The following SPG21 variants were observed in gnomAD, a reference collection of about 807,000 sequenced individuals.
The protein encoded by SPG21 is maspardin.
A neutral mutation model predicts 38.9 loss-of-function variants in SPG21; 26 were observed. The ratio of observed to expected loss-of-function variants is 0.67; its 90% CI spans 0.49 to 0.93. The LOEUF (loss-of-function observed/expected upper bound fraction) is 0.93. Among genes scored for constraint, SPG21 ranks in the 40% least tolerant of loss-of-function variants. The pLI, the probability that SPG21 is intolerant of heterozygous loss-of-function variation, is 0.00. For missense variants in SPG21, 333 were observed against 376.5 expected (o/e 0.88, Z 0.96); for synonymous variants, 136 against 128.9 (o/e 1.05, Z -0.37).
rs988152937 is a variant in SPG21, at chr15:64,981,140, T to C, written c.64-115A>G. On this transcript the variant is annotated intron_variant, in intron 2 of 8. Transcript: ENST00000204566. ...TACTACTGCCTTGTTTGTTACAAGG[T>C]AACCTGGAGCTCACACCAGATTAGC... 7 of 1,278,808 alleles carry C rather than the reference T, an allele frequency of 5.5e-6. No individual in the cohort carries two copies. The African/African-American group carries it at 7.4e-5, about 14-fold the overall frequency. 79.2% of individuals were successfully genotyped at this position (1,278,808 alleles called of 1,614,324 possible). A position where few individuals can be genotyped will look rare whatever the true frequency, so the allele number is the denominator to read the frequency against.
At chr15:64,979,845 CAAAAAAAAAA>C (rs71136305) in intron 3 of SPG21, among the ~76,000 whole-genome samples, 1 of 89,552 alleles carries the variant, frequency 1.1e-5, no homozygotes, top group Admixed American at 1.2e-4. Flanking sequence ...TGGAAGCATG[CAAAAAAAAAA>C]AAAAAAAAAA....
intron 3 of SPG21, 22 bp from the exon 4 acceptor site, chr15:64,976,577 T>TACTTTTATG: frequency 6.3e-7 from 1 of 1,578,260 alleles, no homozygotes; most frequent in Non-Finnish European, 8.7e-7. Flanking sequence ...ACGATAATTT[T>TACTTTTATG]ATTTTTAAAA....
chr15:64,980,752 CAAACA>C (rs2085867779), intron 3 of SPG21, 107 bp downstream of exon 3: 1 of 1,271,580 alleles, frequency 7.9e-7, no homozygotes, highest in Non-Finnish European at 1.1e-6. Flanking sequence ...AACAAACAAA[CAAACA>C]AACAAACAAA....
At chr15:64,986,523 T>TA (rs1314749829) in intron 1 of SPG21, among the ~76,000 whole-genome samples, 1 of 151,506 alleles carries the variant, frequency 6.6e-6, no homozygotes, top group African/African-American at 2.4e-5. Flanking sequence ...CCATCTCTAC[T>TA]AAAAATACAA....
At chr15:64,965,489 T>C (rs201104470) in intron 7 of SPG21, 29 bp from the exon 8 acceptor site, 3 of 1,613,936 alleles carry the variant, frequency 1.9e-6, no homozygotes, top group Non-Finnish European at 2.5e-6. Context: ...TTCAGCACCA[T>C]AGGAAAGGTA....
Position 64,983,530 on chromosome 15 carries a change from T to C in SPG21, c.40A>G (p.Arg14Gly). 6.3e-7 allele frequency: 1 copy of C among 1,579,514 alleles called. No homozygotes were observed. Among genetic ancestry groups the C allele is most frequent in the Non-Finnish European group, 8.6e-7 (1 of 1,158,576 alleles). Residue 14 changes from arginine to glycine, a missense_variant, in exon 2 of 9, where the codon AGA becomes GGA. Transcript: ENST00000204566. ...IKVSPDYNWF[R>G]GTVPLKKIIV... ...ACCTTTTTAAGGGGAACTGTACCTCTAAACCAGTTATAATCAGGAGAGACT... is the reference window on the plus strand; with the variant it reads ...ACCTTTTTAAGGGGAACTGTACCTCCAAACCAGTTATAATCAGGAGAGACT...
rs1259837584 is a variant in SPG21, at chr15:64,963,541, AG to A, written c.*78del. The A allele has an allele frequency of 8.3e-7, 1 of 1,210,126 alleles. No homozygotes were observed. The allele number at this position is 1,210,126 out of a possible 1,614,324, so 75.0% of individuals were successfully genotyped here. A position where few individuals can be genotyped will look rare whatever the true frequency, so the allele number is the denominator to read the frequency against. Reference sequence around the variant, plus strand: ...GTGAGCCTGACGAACCTGAAGGAAAAGGCTGGCTGACGGGTGCTGATGCCAC... The same window carrying A: ...GTGAGCCTGACGAACCTGAAGGAAAAGCTGGCTGACGGGTGCTGATGCCAC... On this transcript the variant is annotated 3_prime_UTR_variant, in exon 9 of 9. Coordinates refer to ENST00000204566, the MANE Select transcript of SPG21 (RefSeq NM_016630.7).
Position 64,969,382 on chromosome 15 carries a change from TAA to T in SPG21, c.562-22_562-21del, listed in dbSNP as rs774606295. The T allele has an allele frequency of 9.1e-6, 14 of 1,532,324 alleles. No homozygotes were observed. The East Asian group carries it at 3.1e-4, about 34-fold the overall frequency. 94.9% of individuals were successfully genotyped at this position (1,532,324 alleles called of 1,614,324 possible). On this transcript the variant is annotated intron_variant, in intron 6 of 8. Transcript: ENST00000204566. ...TTCTAGCTGCAGGAAGAAACACAGG[TAA>T]AGTTTTTGAAATAATTTTGTTTTTC...
chr15:64,982,263 G>C (rs1313168697), intron 2 of SPG21, among the ~76,000 whole-genome samples: 1 of 148,802 alleles, frequency 6.7e-6, no homozygotes, highest in Non-Finnish European at 1.5e-5. Context: ...TCCCATCTCA[G>C]CCTCCTGAGT....
chr15:64,981,338 G>A (rs1225722873), intron 2 of SPG21: 2 of 311,024 alleles, frequency 6.4e-6, no homozygotes, highest in South Asian at 2.9e-5. Flanking sequence ...AGCCCAGGCT[G>A]GAGTGCAGTG....
At chr15:64,981,843 T>C (rs1470490068) in intron 2 of SPG21, among the ~76,000 whole-genome samples, 1 of 152,212 alleles carries the variant, frequency 6.6e-6, no homozygotes, top group Non-Finnish European at 1.5e-5. Flanking sequence ...GCTTAAACAT[T>C]TGACAATGCA....
chr15:64,965,446 A>G lies in SPG21; in HGVS notation c.684T>C (p.Ser228=). Residue 228 remains serine (S), a synonymous_variant, in exon 8 of 9, where the codon AGT becomes AGC. Coordinates refer to ENST00000204566, the MANE Select transcript of SPG21 (RefSeq NM_016630.7). ...PVTIMDVFDQ[S]ALSTEAKEEM... ...CTTCTTTAGCTTCAGTTGAAAGCGCACTCTGATCAAACACCTTTAAAAAAC... is the reference window on the plus strand; with the variant it reads ...CTTCTTTAGCTTCAGTTGAAAGCGCGCTCTGATCAAACACCTTTAAAAAAC... 1 of 1,614,140 alleles carries G rather than the reference A, an allele frequency of 6.2e-7. No individual in the cohort carries two copies. The highest frequency in any genetic ancestry group is 1.7e-5 in the Admixed American group (1 of 60,000).
rs370166647 is a variant in SPG21, at chr15:64,983,577, T to G, written c.-8A>C. 233 of 1,563,598 alleles carry G rather than the reference T, an allele frequency of 1.5e-4. No individual in the cohort carries two copies. Among genetic ancestry groups the G allele is most frequent in the Admixed American group, 3.7e-5 (2 of 54,774 alleles). Reference sequence around the variant, plus strand: ...GACTTTAATCTCTCCCATGATTAGCTGAAATGGAGGTTAATCCTGAAATAA... The same window carrying G: ...GACTTTAATCTCTCCCATGATTAGCGGAAATGGAGGTTAATCCTGAAATAA... On this transcript the variant is annotated 5_prime_UTR_variant, in exon 2 of 9. Coordinates refer to ENST00000204566, the MANE Select transcript of SPG21 (RefSeq NM_016630.7).
intron 5 of SPG21, among the ~76,000 whole-genome samples, chr15:64,974,152 G>A (rs2085728927): frequency 6.6e-6 from 1 of 152,172 alleles, no homozygotes; most frequent in South Asian, 2.1e-4. Context: ...CTTTTGCAAA[G>A]GTAATTGTTT....
chr15:64,975,219 C>A (rs1045046561), intron 4 of SPG21, among the ~76,000 whole-genome samples: 7 of 148,496 alleles, frequency 4.7e-5, no homozygotes, highest in African/African-American at 1.8e-4. Flanking sequence ...ACCTGGCAGG[C>A]GGAGGTTGCA....
intron 4 of SPG21, among the ~76,000 whole-genome samples, chr15:64,976,245 C>T (rs1189872370): frequency 6.6e-6 from 1 of 151,468 alleles, no homozygotes. Context: ...GCCAACCTGG[C>T]GAAACCCCAT....
chr15:64,974,792 T>A, intron 4 of SPG21, 45 bp from the exon 5 acceptor site: 2 of 1,612,064 alleles, frequency 1.2e-6, no homozygotes, highest in African/African-American at 2.7e-5. Flanking sequence ...TACTGATCAA[T>A]CTTGAACCTG....
chr15:64,974,724 C>T lies in SPG21; in HGVS notation c.330G>A (p.Leu110=). Reference sequence around the variant, plus strand: ...CAAATTTCTGGGCCAAAAAGCCTCCCAAAGAAGCGCCAAAAAGATGAACCT... The same window carrying T: ...CAAATTTCTGGGCCAAAAAGCCTCCTAAAGAAGCGCCAAAAAGATGAACCT... ...LDKVHLFGAS[L]GGFLAQKFAE... The change falls in exon 5 of 9, where the codon TTG becomes TTA. Residue 110 remains leucine, a synonymous_variant. Transcript: ENST00000204566. 2 of 1,614,032 alleles carry T rather than the reference C, an allele frequency of 1.2e-6. No individual in the cohort carries two copies. Among genetic ancestry groups the T allele is most frequent in the South Asian group, 1.1e-5 (1 of 91,086 alleles).
intron 2 of SPG21, among the ~76,000 whole-genome samples, chr15:64,982,176 GCT>G (rs1159029508): frequency 7.2e-6 from 1 of 137,992 alleles, no homozygotes; most frequent in African/African-American, 2.7e-5. Context: ...ACAAGGTCTG[GCT>G]CTGTCACCCA....
Sources: gnomAD v4.1 joint callset for allele counts (sites outside exome capture counted in the v4.1 genomes callset) on GRCh38, gnomAD v4.1.1 for gene constraint, MANE v1.5 for transcripts, NCBI Gene and HGNC (gene_info 2026-07-23, HGNC 2026-07-21) for gene names.